The following RCAN2 variants were observed in gnomAD, a reference collection of about 807,000 sequenced individuals.
The protein encoded by RCAN2 is calcipressin-2.
RCAN2 carries 9 observed loss-of-function variants against 23.6 expected under a neutral mutation model. The observed-to-expected ratio is 0.38, with a 90% confidence interval of 0.23 to 0.67. The LOEUF (loss-of-function observed/expected upper bound fraction) is 0.67, where lower values mean the gene tolerates loss of function less well. Among genes scored for constraint, RCAN2 ranks in the 30% least tolerant of loss-of-function variants. The pLI is 0.51. For missense variants in RCAN2, 273 were observed against 302.3 expected, an observed-to-expected ratio of 0.90 and a Z score of 0.72; for synonymous variants, 109 against 115.7, an observed-to-expected ratio of 0.94 and a Z score of 0.37.
intron 2 of RCAN2, among the ~76,000 whole-genome samples, chr6:46,290,549 T>C (rs1441685787): frequency 1.3e-5 from 2 of 152,228 alleles, no homozygotes; most frequent in African/African-American, 4.8e-5. Flanking sequence ...TAGTCACCCT[T>C]ATATTTTCAA....
intron 2 of RCAN2, among the ~76,000 whole-genome samples, chr6:46,454,065 T>A (rs1767955001): frequency 6.6e-6 from 1 of 151,862 alleles, no homozygotes; most frequent in Admixed American, 6.6e-5. Flanking sequence ...ATACAAGGAG[T>A]GCTGGAAATG....
rs751804140 is a variant in RCAN2 at position 46,418,953 on chromosome 6, C to T, written c.225+37799G>A. Among the ~76,000 whole-genome samples, 121 of 151,386 alleles carry T rather than the reference C, an allele frequency of 8.0e-4. 1 individual carries two copies. Among genetic ancestry groups the T allele is most frequent in the Non-Finnish European group, 1.2e-3 (80 of 67,830 alleles). Reference sequence around the variant, plus strand: ...AAATATAAAAATTAGCTGGGCGTGGCGGCACACACCTGTAGTCCTAGCTAC... The same window carrying T: ...AAATATAAAAATTAGCTGGGCGTGGTGGCACACACCTGTAGTCCTAGCTAC... On this transcript the variant is annotated intron_variant, in intron 2 of 4. Coordinates refer to ENST00000371374, the MANE Select transcript of RCAN2 (RefSeq NM_001251974.2).
intron 2 of RCAN2, among the ~76,000 whole-genome samples, chr6:46,292,607 T>C (rs886263993): frequency 1.3e-5 from 2 of 152,108 alleles, no homozygotes; most frequent in African/African-American, 4.8e-5. Context: ...CATTCTTAGG[T>C]AATAGAAAAA....
At chr6:46,446,543 A>T (rs1165423424) in intron 2 of RCAN2, among the ~76,000 whole-genome samples, 1 of 152,226 alleles carries the variant, frequency 6.6e-6, no homozygotes, top group African/African-American at 2.4e-5. Flanking sequence ...ATCAGTACAC[A>T]GTCAAATTCA....
At chr6:46,439,529 G>A (rs1363974427) in intron 2 of RCAN2, among the ~76,000 whole-genome samples, 4 of 152,072 alleles carry the variant, frequency 2.6e-5, no homozygotes, top group Non-Finnish European at 4.4e-5. Flanking sequence ...AAATACATAC[G>A]CTTTGCACCA....
chr6:46,381,691 C>T (rs1765619502), intron 2 of RCAN2, among the ~76,000 whole-genome samples: 1 of 152,180 alleles, frequency 6.6e-6, no homozygotes, highest in African/African-American at 2.4e-5. Context: ...ATTCTCCTTT[C>T]TGCCTTGGCC....
chr6:46,306,875 T>G (rs890027682), intron 2 of RCAN2, among the ~76,000 whole-genome samples: 20 of 152,176 alleles, frequency 1.3e-4, no homozygotes, highest in Admixed American at 1.2e-3. Context: ...ATATTACTCC[T>G]AGCATACTAT....
rs374506517 is a variant in RCAN2, at chr6:46,298,748, T to C, written c.226-49852A>G. ...AGAACTACTATTCAACCCAGCAATCTCACTACTGGGTATAAACCAAAGGAA... is the reference window on the plus strand; with the variant it reads ...AGAACTACTATTCAACCCAGCAATCCCACTACTGGGTATAAACCAAAGGAA... On this transcript the variant is annotated intron_variant, in intron 2 of 4. Transcript: ENST00000371374. Among the ~76,000 whole-genome samples the C allele has an allele frequency of 5.9e-5, 9 of 152,166 alleles. No individual in the cohort carries two copies. In the South Asian group the frequency reaches 1.7e-3, roughly 28 times the overall value.
chr6:46,479,261 A>G (rs1238898713), intron 1 of RCAN2, among the ~76,000 whole-genome samples: 1 of 152,174 alleles, frequency 6.6e-6, no homozygotes, highest in Non-Finnish European at 1.5e-5. Context: ...TTTCAGGAAA[A>G]ACAATTTAGA....
intron 2 of RCAN2, among the ~76,000 whole-genome samples, chr6:46,383,299 G>A (rs1184258738): frequency 6.6e-6 from 1 of 151,850 alleles, no homozygotes; most frequent in African/African-American, 2.4e-5. Flanking sequence ...GAATTTGCAT[G>A]AGTGGAATGA....
chr6:46,388,632 G>A (rs920065528), intron 2 of RCAN2, among the ~76,000 whole-genome samples: 1 of 152,144 alleles, frequency 6.6e-6, no homozygotes, highest in Non-Finnish European at 1.5e-5. Context: ...AAAGGAATGA[G>A]ATCATGTCCT....
intron 1 of RCAN2, among the ~76,000 whole-genome samples, chr6:46,467,567 T>C (rs1004930014): frequency 6.6e-6 from 1 of 152,184 alleles, no homozygotes; most frequent in South Asian, 2.1e-4. Context: ...TCTTTTTGCA[T>C]GTACAGAAGG....
chr6:46,485,332 T>C (rs886454217), intron 1 of RCAN2, among the ~76,000 whole-genome samples: 33 of 152,346 alleles, frequency 2.2e-4, no homozygotes, highest in African/African-American at 7.7e-4. Flanking sequence ...ATGCACAGAA[T>C]GCAAAATTCT....
At chr6:46,228,709 T>C (rs1331655228) in intron 4 of RCAN2, among the ~76,000 whole-genome samples, 1 of 152,254 alleles carries the variant, frequency 6.6e-6, no homozygotes, top group Non-Finnish European at 1.5e-5. Context: ...AGCACACTGA[T>C]GGGTCTTGAC....
chr6:46,347,766 CAAA>C (rs1449966672), intron 2 of RCAN2, among the ~76,000 whole-genome samples: 10 of 151,944 alleles, frequency 6.6e-5, no homozygotes, highest in Non-Finnish European at 1.3e-4. Flanking sequence ...AACAAACAAA[CAAA>C]CAAAAAACAG....
intron 2 of RCAN2, among the ~76,000 whole-genome samples, chr6:46,392,749 A>C (rs1212132869): frequency 2.0e-5 from 3 of 152,210 alleles, no homozygotes; most frequent in Non-Finnish European, 4.4e-5. Flanking sequence ...TCTGTCAAAA[A>C]GTAGTGAATT....
chr6:46,287,163 C>T (rs150581343), intron 2 of RCAN2, among the ~76,000 whole-genome samples: 22 of 152,234 alleles, frequency 1.4e-4, no homozygotes, highest in Middle Eastern at 3.4e-3. Flanking sequence ...TTGCCTGAAA[C>T]GGAGGCTAAC....
chr6:46,459,296 A>G (rs113717614), intron 1 of RCAN2, among the ~76,000 whole-genome samples: 1 of 152,232 alleles, frequency 6.6e-6, no homozygotes, highest in African/African-American at 2.4e-5. Context: ...CCTCTTATTT[A>G]AAATATTTTA....
chr6:46,308,389 C>A (rs1485053812), intron 2 of RCAN2, among the ~76,000 whole-genome samples: 1 of 152,102 alleles, frequency 6.6e-6, no homozygotes, highest in East Asian at 1.9e-4. Flanking sequence ...ATGAACTCTT[C>A]TCTTAGACAA....
Sources: gnomAD v4.1 joint callset for allele counts (sites outside exome capture counted in the v4.1 genomes callset) on GRCh38, gnomAD v4.1.1 for gene constraint, MANE v1.5 for transcripts, NCBI Gene and HGNC (gene_info 2026-07-23, HGNC 2026-07-21) for gene names.